ABCA13: variants seen among roughly 807,000 people sequenced by gnomAD.
ABCA13 encodes ATP-binding cassette sub-family A member 13.
ABCA13 carries 476 observed loss-of-function variants against 478.7 expected under a neutral mutation model. The observed-to-expected ratio is 0.99, with a 90% CI of 0.92 to 1.07. The LOEUF (loss-of-function observed/expected upper bound fraction) is 1.07. Among genes scored for constraint, ABCA13 ranks in the 50% least tolerant of loss-of-function variants. The pLI is 0.00. For synonymous variants in ABCA13, 2,252 were observed against 2,158.9 expected (o/e 1.04, Z -1.20); for missense variants, 6,060 against 5,910.6 (o/e 1.03, Z -0.83).
At chr7:48,455,450 T>C (rs1825558337) in intron 43 of ABCA13, among the ~76,000 whole-genome samples, 164 bp downstream of exon 43, 1 of 152,196 alleles carries the variant, frequency 6.6e-6, no homozygotes, top group Admixed American at 6.5e-5. Context: ...AAGCTCTTGC[T>C]CCTCTCAGGC....
intron 59 of ABCA13, among the ~76,000 whole-genome samples, chr7:48,626,095 A>G (rs1039458326): frequency 1.3e-5 from 2 of 152,220 alleles, no homozygotes; most frequent in African/African-American, 2.4e-5. Context: ...ACCTGCAAAC[A>G]TTACTGAATG....
At chr7:48,643,847 G>A (rs1218708674) in intron 60 of ABCA13, among the ~76,000 whole-genome samples, 1 of 152,152 alleles carries the variant, frequency 6.6e-6, no homozygotes, top group South Asian at 2.1e-4. Context: ...TGAACCAGCA[G>A]CATCTTCATT....
In ABCA13 at chr7:48,489,299, A is replaced by G. The variant is rs761788799; in HGVS notation, c.13246A>G (p.Ile4416Val). 1.4e-5 allele frequency: 23 copies of G among 1,612,816 alleles called. No homozygotes were observed. Among genetic ancestry groups the G allele is most frequent in the African/African-American group, 2.7e-5 (2 of 74,878 alleles). The change falls in exon 48 of 62, where the codon ATT becomes GTT. Residue 4416 changes from isoleucine to valine, a missense_variant. Physicochemically the swap from Ile to Val is conservative, Grantham distance 29. Around this residue, in one of 3 missense-constraint regions of ABCA13, gnomAD observed 1,627 missense variants for 1,571.0 expected, o/e 1.04. Coordinates refer to ENST00000435803, the MANE Select transcript of ABCA13 (RefSeq NM_152701.5). The part of the protein sequence containing the change: ...PSYLNHLNNL[I>V]LWQHLPPTVD... ...CTACTTAAATCATCTAAACAACCTTATTTTGTGGCAGCACCTACCCCCTAC... is the reference window on the plus strand; with the variant it reads ...CTACTTAAATCATCTAAACAACCTTGTTTTGTGGCAGCACCTACCCCCTAC...
At chr7:48,603,068 C>A (rs1186628374) in intron 58 of ABCA13, among the ~76,000 whole-genome samples, 1 of 151,988 alleles carries the variant, frequency 6.6e-6, no homozygotes, top group South Asian at 2.1e-4. Context: ...GTAATTTTTG[C>A]GCATTGATTT....
chr7:48,269,811 C>T (rs947436553), intron 16 of ABCA13, among the ~76,000 whole-genome samples: 3 of 152,144 alleles, frequency 2.0e-5, no homozygotes, highest in African/African-American at 7.2e-5. Flanking sequence ...CCAGTGCACA[C>T]CAAAGTTGGA....
chr7:48,298,571 C>A (rs1285350856), intron 23 of ABCA13, 84 bp downstream of exon 23: 1 of 1,462,628 alleles, frequency 6.8e-7, no homozygotes, highest in African/African-American at 1.4e-5. Context: ...GTCCTTTCTT[C>A]CTTCTTGCCT....
At position 48,273,351 on chromosome 7, in the gene ABCA13, C is replaced by G; in HGVS notation, c.3685C>G (p.Leu1229Val). Residue 1229 changes from leucine (L) to valine (V), a missense_variant, in exon 17 of 62, where the codon CTG (leucine) becomes GTG (valine). Physicochemically the swap from Leu to Val is conservative, Grantham distance 32. Transcript: ENST00000435803. ...ANDFHNWEDF[L>V]DLRDFLVALG... ...TGACTTCCATAATTGGGAGGACTTC[C>G]TGGATCTCAGGGATTTTTTGGTAGC... The G allele has an allele frequency of 6.2e-7, 1 of 1,613,632 alleles. No individual in the cohort carries two copies. The highest frequency in any genetic ancestry group is 8.5e-7 in the Non-Finnish European group (1 of 1,179,726).
chr7:48,189,868 A>G (rs1164557487), intron 1 of ABCA13, among the ~76,000 whole-genome samples: 2 of 152,228 alleles, frequency 1.3e-5, no homozygotes, highest in Non-Finnish European at 2.9e-5. Flanking sequence ...AGCCATGAAA[A>G]GGCTGAATTC....
intron 7 of ABCA13, among the ~76,000 whole-genome samples, chr7:48,233,031 C>T (rs1223566818): frequency 1.3e-5 from 2 of 152,152 alleles, no homozygotes; most frequent in African/African-American, 2.4e-5. Context: ...TCTCAGACAC[C>T]AATCTTTTTT....
At position 48,242,479 on chromosome 7, in the gene ABCA13, C is replaced by T. The variant is rs528387654; in HGVS notation, c.1262+1413C>T. On this transcript the variant is annotated intron_variant, in intron 10 of 61. Transcript: ENST00000435803. ...CTTTGAGACAGTCTTGCTCTGTTGC[C>T]CAGGCTGAAGTGCAATGGCGCGATC... Among the ~76,000 whole-genome samples, 166 of 152,154 alleles carry T rather than the reference C, an allele frequency of 1.1e-3. 1 individual carries two copies. The highest frequency in any genetic ancestry group is 3.7e-3 in the African/African-American group (152 of 41,504).
intron 55 of ABCA13, among the ~76,000 whole-genome samples, chr7:48,571,925 C>G (rs1787689381): frequency 6.6e-6 from 1 of 152,076 alleles, no homozygotes; most frequent in African/African-American, 2.4e-5. Context: ...TGTCTGTAAT[C>G]CCAGCACTGT....
chr7:48,495,568 T>C (rs1830204702), intron 48 of ABCA13, among the ~76,000 whole-genome samples: 1 of 152,218 alleles, frequency 6.6e-6, no homozygotes, highest in Non-Finnish European at 1.5e-5. Context: ...TGTGTGGTTT[T>C]GTTCTTCCAT....
chr7:48,587,169 A>G lies in ABCA13; in HGVS notation c.14521A>G (p.Ile4841Val), dbSNP rs75519473. 3.0e-3 allele frequency: 4,782 copies of G among 1,613,290 alleles called. 22 individuals carry two copies. The highest frequency in any genetic ancestry group is 5.3e-3 in the South Asian group (477 of 90,840). The stretch of plus-strand genomic sequence containing the variant: ...TCTCTTCCAGGTTGCTGGAGACCTC[A>G]TCAGGCGCTTACACCTCGAAGCCCA... The part of the protein sequence containing the change: ...QCIPEVAGDL[I>V]RRLHLEAHAD... The change falls in exon 57 of 62, where the codon ATC becomes GTC. Residue 4841 changes from isoleucine (I) to valine (V), a missense_variant. By Grantham distance (29) the Ile-to-Val change is conservative. Transcript: ENST00000435803.
chr7:48,645,553 C>A lies in ABCA13; in HGVS notation c.*41C>A. On this transcript the variant is annotated 3_prime_UTR_variant, in exon 62 of 62. Coordinates refer to ENST00000435803, the MANE Select transcript of ABCA13 (RefSeq NM_152701.5). ...CCATAAGGAATAAAACCTTGTCTTC[C>A]ATTACAATTAACAGTCAAGGATAAA... 6.7e-7 allele frequency: 1 copy of A among 1,483,572 alleles called. No individual in the cohort carries two copies. 91.9% of individuals were successfully genotyped at this position (1,483,572 alleles called of 1,614,324 possible).
At chr7:48,323,187 A>G (rs1803763536) in intron 27 of ABCA13, among the ~76,000 whole-genome samples, 1 of 152,130 alleles carries the variant, frequency 6.6e-6, no homozygotes, top group African/African-American at 2.4e-5. Context: ...TCATTGACTT[A>G]CAGGCGTACT....
chr7:48,408,147 A>C (rs1163495577), intron 39 of ABCA13, among the ~76,000 whole-genome samples: 1 of 152,232 alleles, frequency 6.6e-6, no homozygotes. Context: ...AACTGTAGTC[A>C]CCATGCTGTA....
chr7:48,283,470 T>C (rs1797323079), intron 19 of ABCA13, among the ~76,000 whole-genome samples: 1 of 152,094 alleles, frequency 6.6e-6, no homozygotes, highest in Non-Finnish European at 1.5e-5. Context: ...CAGGTGAGAC[T>C]TGCGTAGTGA....
intron 55 of ABCA13, among the ~76,000 whole-genome samples, chr7:48,565,480 C>T (rs1007583703): frequency 6.6e-5 from 10 of 151,770 alleles, no homozygotes; most frequent in South Asian, 2.1e-4. Context: ...CTGAAATACC[C>T]GAGAGAACTT....
At chr7:48,184,133 C>T (rs1039787756) in intron 1 of ABCA13, among the ~76,000 whole-genome samples, 68 of 152,094 alleles carry the variant, frequency 4.5e-4, no homozygotes, top group African/African-American at 1.5e-3. Context: ...TTTACATTGT[C>T]CCGAATTGGT....
Sources: allele counts gnomAD v4.1 joint callset (sites outside exome capture counted in the v4.1 genomes callset), GRCh38; gene constraint gnomAD v4.1.1; regional missense constraint gnomAD v4.1.1; transcripts MANE v1.5; gene names NCBI Gene and HGNC (gene_info 2026-07-23, HGNC 2026-07-21).